Variants in RBPMS observed in about 807,000 individuals in gnomAD.
The protein encoded by RBPMS is RNA-binding protein with multiple splicing.
Under a neutral mutation model 26.8 loss-of-function variants are expected in RBPMS, and 7 were observed. The ratio of observed to expected loss-of-function variants is 0.26; its 90% CI spans 0.15 to 0.49. The LOEUF (loss-of-function observed/expected upper bound fraction) is 0.49. RBPMS is among the 20% of genes least tolerant of loss of function. The pLI, the probability that RBPMS is intolerant of heterozygous loss-of-function variation, is 0.98. For missense variants in RBPMS, 186 were observed against 250.0 expected (o/e 0.74, Z 1.73); for synonymous variants, 96 against 93.3 (o/e 1.03, Z -0.17).
At chr8:30,462,431 T>G (rs1816022026) in intron 1 of RBPMS, among the ~76,000 whole-genome samples, 1 of 152,024 alleles carries the variant, frequency 6.6e-6, no homozygotes. Context: ...TGTTTGTTTG[T>G]TTGTTTTTTG....
intron 6 of RBPMS, among the ~76,000 whole-genome samples, chr8:30,549,952 G>A (rs1034682370): frequency 6.6e-6 from 1 of 151,532 alleles, no homozygotes; most frequent in Non-Finnish European, 1.5e-5. Context: ...CCGGGTTCAT[G>A]CCATTCTCCT....
chr8:30,497,606 T>G (rs1389670237), intron 4 of RBPMS, among the ~76,000 whole-genome samples: 2 of 151,892 alleles, frequency 1.3e-5, no homozygotes, highest in Non-Finnish European at 2.9e-5. Flanking sequence ...TGGTTTTTTT[T>G]GTTGTTGTTT....
chr8:30,511,362 C>T (rs1028251245), intron 5 of RBPMS, among the ~76,000 whole-genome samples: 2 of 151,118 alleles, frequency 1.3e-5, no homozygotes, highest in African/African-American at 4.9e-5. Context: ...TTGATCATTC[C>T]TGTAATCCTA....
At chr8:30,420,492 A>G (rs1471591387) in intron 1 of RBPMS, among the ~76,000 whole-genome samples, 1 of 152,208 alleles carries the variant, frequency 6.6e-6, no homozygotes, top group African/African-American at 2.4e-5. Context: ...TATTGTAGTT[A>G]AAAGAGACAA....
chr8:30,407,932 T>C (rs1808841428), intron 1 of RBPMS, among the ~76,000 whole-genome samples: 1 of 148,118 alleles, frequency 6.8e-6, no homozygotes, highest in Non-Finnish European at 1.5e-5. Context: ...GGAACAAGAG[T>C]TCTCTTCCTT....
intron 4 of RBPMS, among the ~76,000 whole-genome samples, chr8:30,501,884 CCT>C (rs1157106825): frequency 6.6e-6 from 1 of 152,136 alleles, no homozygotes; most frequent in African/African-American, 2.4e-5. Context: ...TTCCTATCTG[CCT>C]CTTTTTCTTT....
intron 6 of RBPMS, among the ~76,000 whole-genome samples, chr8:30,557,876 C>T (rs919734783): frequency 3.3e-5 from 5 of 152,162 alleles, no homozygotes; most frequent in African/African-American, 1.2e-4. Context: ...TGTTTTGTTT[C>T]TTGTTTGTTT....
intron 1 of RBPMS, among the ~76,000 whole-genome samples, chr8:30,461,674 T>C (rs768197343): frequency 6.6e-6 from 1 of 152,256 alleles, no homozygotes; most frequent in South Asian, 2.1e-4. Context: ...GGATTACAGG[T>C]GTGAGCCACC....
chr8:30,428,192 T>A (rs960032931), intron 1 of RBPMS, among the ~76,000 whole-genome samples: 2 of 151,826 alleles, frequency 1.3e-5, no homozygotes, highest in East Asian at 3.9e-4. Flanking sequence ...CCCAGCTAAT[T>A]TTTGTATTTT....
intron 7 of RBPMS, chr8:30,561,851 C>T: frequency 1.0e-6 from 1 of 985,146 alleles, no homozygotes; most frequent in Non-Finnish European, 1.2e-6. Flanking sequence ...AGAAGACATC[C>T]ATTGTGAAGC....
intron 5 of RBPMS, among the ~76,000 whole-genome samples, chr8:30,528,520 T>C (rs142587208): frequency 8.9e-4 from 136 of 152,286 alleles, no homozygotes; most frequent in African/African-American, 3.1e-3. Context: ...AAACCTGAGG[T>C]CATTAGATAG....
chr8:30,482,794 T>A (rs1475107672), intron 4 of RBPMS, among the ~76,000 whole-genome samples: 1 of 152,176 alleles, frequency 6.6e-6, no homozygotes, highest in Admixed American at 6.5e-5. Context: ...ATTCTTTGTC[T>A]TTAACTCACT....
chr8:30,524,622 T>G (rs78638543), intron 5 of RBPMS, among the ~76,000 whole-genome samples: 4 of 152,222 alleles, frequency 2.6e-5, no homozygotes, highest in Non-Finnish European at 5.9e-5. Flanking sequence ...CAAGGTGAGA[T>G]GAAAAGAAGG....
Position 30,556,155 on chromosome 8 carries a change from T to C in RBPMS, c.529-2732T>C, listed in dbSNP as rs888291142. On this transcript the variant is annotated intron_variant, in intron 6 of 8. Transcript: ENST00000397323. Reference sequence around the variant, plus strand: ...GTCCTAGCCTGAGACACAAGAGCAATGAATTCAGGGGTCTGTGTGTCCGCC... The same window carrying C: ...GTCCTAGCCTGAGACACAAGAGCAACGAATTCAGGGGTCTGTGTGTCCGCC... The C allele has an allele frequency of 4.1e-6, 4 of 985,210 alleles. No homozygotes were observed. The African/African-American group carries it at 7.0e-5, about 17-fold the overall frequency. 61.0% of individuals were successfully genotyped at this position (985,210 alleles called of 1,614,324 possible).
At chr8:30,507,387 A>AT (rs1159277810) in intron 5 of RBPMS, among the ~76,000 whole-genome samples, 2 of 152,250 alleles carry the variant, frequency 1.3e-5, no homozygotes, top group African/African-American at 4.8e-5. Flanking sequence ...TATGTAAAGT[A>AT]CTAGGCAAAC....
rs1030331524 is a variant in RBPMS, at chr8:30,466,070, G to A, written c.67-8709G>A. ...AAAACTTTGTGATCACCTTGGCAAAGGGACCCTGGTTTCCATAGGCCCTAA... is the reference window on the plus strand; with the variant it reads ...AAAACTTTGTGATCACCTTGGCAAAAGGACCCTGGTTTCCATAGGCCCTAA... On this transcript the variant is annotated intron_variant, in intron 1 of 8. Transcript: ENST00000397323. 1.2e-4 allele frequency among the ~76,000 whole-genome samples: 19 copies of A among 152,240 alleles called. 1 individual carries two copies. The highest frequency in any genetic ancestry group is 7.2e-4 in the Admixed American group (11 of 15,288).
chr8:30,413,886 C>G (rs532378190), intron 1 of RBPMS, among the ~76,000 whole-genome samples: 1 of 152,150 alleles, frequency 6.6e-6, no homozygotes, highest in Non-Finnish European at 1.5e-5. Flanking sequence ...GTTGGGATTA[C>G]AGGCGTGAGC....
At chr8:30,559,422 C>T (rs1827260776) in intron 7 of RBPMS, among the ~76,000 whole-genome samples, 1 of 152,218 alleles carries the variant, frequency 6.6e-6, no homozygotes, top group Non-Finnish European at 1.5e-5. Flanking sequence ...ACCTCATTTT[C>T]CTACCAAAGG....
At chr8:30,542,845 C>G (rs908783012) in intron 5 of RBPMS, among the ~76,000 whole-genome samples, 3 of 152,182 alleles carry the variant, frequency 2.0e-5, no homozygotes, top group Non-Finnish European at 4.4e-5. Flanking sequence ...CCCTCCCAGC[C>G]CCTCTGAGGG....
Sources: allele counts gnomAD v4.1 joint callset (sites outside exome capture counted in the v4.1 genomes callset), GRCh38; gene constraint gnomAD v4.1.1; transcripts MANE v1.5; gene names NCBI Gene and HGNC (gene_info 2026-07-23, HGNC 2026-07-21).